ABCC8: variants seen among roughly 807,000 people sequenced by gnomAD.
The protein encoded by ABCC8 is ATP binding cassette subfamily C member 8.
Under a neutral mutation model 188.0 loss-of-function variants are expected in ABCC8, and 137 were observed. The observed-to-expected ratio is 0.73, with a 90% CI of 0.63 to 0.84. ABCC8 has a LOEUF of 0.84. ABCC8 is among the 40% of genes least tolerant of loss of function. The probability of loss-of-function intolerance (pLI) is 0.00; values close to 1 mark genes in which losing one functional copy is unlikely to be tolerated. For missense variants in ABCC8, 1,750 were observed against 2,072.7 expected, an observed-to-expected ratio of 0.84 and a Z score of 3.02; for synonymous variants, 797 against 846.5, an observed-to-expected ratio of 0.94 and a Z score of 1.01.
chr11:17,417,431 G>A (rs182080940), intron 16 of ABCC8, among the ~76,000 whole-genome samples: 3 of 152,096 alleles, frequency 2.0e-5, no homozygotes, highest in African/African-American at 7.2e-5. Flanking sequence ...TGTATTTTTC[G>A]TGATTTTTTC....
chr11:17,396,945 C>A lies in ABCC8; in HGVS notation c.4090G>T (p.Val1364Phe), dbSNP rs138642224. Residue 1364 changes from valine (V) to phenylalanine (F), a missense_variant, in exon 33 of 39, where the codon GTC becomes TTC. Coordinates refer to ENST00000389817, the MANE Select transcript of ABCC8 (RefSeq NM_000352.6). ...DSSLKPVLKH[V>F]NALIAPGQKI... ...TGTCCAGGGGCGATGAGGGCATTGACGTGCTTCAGCACCGGCTTCAGGGAG... is the reference window on the plus strand; with the variant it reads ...TGTCCAGGGGCGATGAGGGCATTGAAGTGCTTCAGCACCGGCTTCAGGGAG... 25 of 1,614,076 alleles carry A rather than the reference C, an allele frequency of 1.5e-5. No individual in the cohort carries two copies. The highest frequency in any genetic ancestry group is 1.9e-5 in the Non-Finnish European group (23 of 1,180,030).
At chr11:17,463,716 G>T (rs1847974913) in intron 3 of ABCC8, 112 bp from the exon 4 acceptor site, 4 of 1,419,322 alleles carry the variant, frequency 2.8e-6, no homozygotes, top group Admixed American at 2.0e-5. Flanking sequence ...GTGCCTGGGT[G>T]TGTACATTTC....
chr11:17,392,915 G>C lies in ABCC8; in HGVS notation c.*76C>G. ...AATAATCAAATCTATTTATTTACAA[G>C]TGATTTACAGTTAGAAAACCCAGGC... On this transcript the variant is annotated 3_prime_UTR_variant, in exon 39 of 39. Transcript: ENST00000389817. 2 of 1,495,068 alleles carry C rather than the reference G, an allele frequency of 1.3e-6. No individual in the cohort carries two copies. Among genetic ancestry groups the C allele is most frequent in the Non-Finnish European group, 1.9e-6 (2 of 1,076,002 alleles). The allele number at this position is 1,495,068 out of a possible 1,614,324, so 92.6% of individuals were successfully genotyped here. A position where few individuals can be genotyped will look rare whatever the true frequency, so the allele number is the denominator to read the frequency against.
Position 17,404,436 on chromosome 11 carries a change from A to G in ABCC8, c.3557+76T>C, listed in dbSNP as rs1010732133. ...GAGGGAACACGACCCTATTACTCTC[A>G]TAACGATGAGTCTAGCAAGTACACC... On this transcript the variant is annotated intron_variant, in intron 28 of 38. Transcript: ENST00000389817. This position sits in a 1 kb window ranked among gnomAD's most constrained non-coding sequence, Gnocchi z 4.7. 1.2e-5 allele frequency: 17 copies of G among 1,453,574 alleles called. No homozygotes were observed. In the African/African-American group the frequency reaches 2.2e-4, roughly 19 times the overall value. 90.0% of individuals were successfully genotyped at this position (1,453,574 alleles called of 1,614,324 possible).
chr11:17,434,335 C>T (rs905684971), intron 10 of ABCC8, among the ~76,000 whole-genome samples: 1 of 152,230 alleles, frequency 6.6e-6, no homozygotes, highest in East Asian at 1.9e-4. Flanking sequence ...CTACAACGCT[C>T]TTGGAAAGCA....
Position 17,470,465 on chromosome 11 carries a change from G to T in ABCC8, c.291-243C>A, listed in dbSNP as rs59060762. 0.045 allele frequency among the ~76,000 whole-genome samples: 6,907 copies of T among 152,194 alleles called. 183 individuals are homozygous for T. The highest frequency in any genetic ancestry group is 0.078 in the South Asian group (373 of 4,806). On this transcript the variant is annotated intron_variant, in intron 2 of 38. Transcript: ENST00000389817. ...GTGCTGAGCCCTAAGCACAAGGGTT[G>T]CTGGGGTCTCTTGAACAGTGCAGGG...
intron 6 of ABCC8, among the ~76,000 whole-genome samples, chr11:17,458,132 G>T (rs945472513): frequency 6.6e-6 from 1 of 152,170 alleles, no homozygotes; most frequent in East Asian, 1.9e-4. Context: ...CTTTGTTGCG[G>T]ACACTGGAGA....
In ABCC8 at chr11:17,397,252, G is replaced by C. The variant is rs778667623; in HGVS notation, c.3929C>G (p.Ala1310Gly). 8 of 1,613,590 alleles carry C rather than the reference G, an allele frequency of 5.0e-6. No individual in the cohort carries two copies. Among genetic ancestry groups the C allele is most frequent in the Non-Finnish European group, 6.8e-6 (8 of 1,180,010 alleles). The change falls in exon 32 of 39, where the codon GCT (alanine) becomes GGT (glycine). Residue 1310 changes from alanine to glycine, a missense_variant. Coordinates refer to ENST00000389817, the MANE Select transcript of ABCC8 (RefSeq NM_000352.6). Reference sequence around the variant, plus strand: ...CAGGAGCCCATGGATGCGCTTCACAGCCCCCAGCTGGAGCTCCATGTCTGC... The same window carrying C: ...CAGGAGCCCATGGATGCGCTTCACACCCCCCAGCTGGAGCTCCATGTCTGC... ...NLADMELQLG[A>G]VKRIHGLLKT...
At position 17,427,789 on chromosome 11, in the gene ABCC8, G is replaced by A. The variant is rs1263439121; in HGVS notation, c.2116+78C>T. ...AGCAGAGAGTAGGTGCTCAATAAATGCAGCTTTGTCTTTTTATCTCTATGT... is the reference window on the plus strand; with the variant it reads ...AGCAGAGAGTAGGTGCTCAATAAATACAGCTTTGTCTTTTTATCTCTATGT... On this transcript the variant is annotated intron_variant, in intron 15 of 38. Coordinates refer to ENST00000389817, the MANE Select transcript of ABCC8 (RefSeq NM_000352.6). This position sits in a 1 kb window ranked among gnomAD's most constrained non-coding sequence, Gnocchi z 5.0. 1 of 1,557,276 alleles carries A rather than the reference G, an allele frequency of 6.4e-7. No individual in the cohort carries two copies. The highest frequency in any genetic ancestry group is 8.8e-7 in the Non-Finnish European group (1 of 1,142,450).
In ABCC8 at chr11:17,430,828, G is replaced by A. The variant is rs1955813039; in HGVS notation, c.1803C>T (p.Val601=). 6.2e-7 allele frequency: 1 copy of A among 1,614,214 alleles called. No homozygotes were observed. Among genetic ancestry groups the A allele is most frequent in the Admixed American group, 1.7e-5 (1 of 60,032 alleles). ...FLLSSVVRST[V]KALVSVQKLS... Reference sequence around the variant, plus strand: ...CCTCCCCTCACCTCACTAGAGCTTTGACGGTAGATCGGACCACACTGGACA... The same window carrying A: ...CCTCCCCTCACCTCACTAGAGCTTTAACGGTAGATCGGACCACACTGGACA... The change falls in exon 12 of 39, where the codon GTC becomes GTT. Residue 601 remains valine, a synonymous_variant. Transcript: ENST00000389817.
intron 10 of ABCC8, among the ~76,000 whole-genome samples, chr11:17,434,187 C>A (rs888605193): frequency 3.3e-5 from 5 of 152,312 alleles, no homozygotes; most frequent in Admixed American, 2.6e-4. Context: ...CTCCTCCTGG[C>A]CCATCCCCAT....
chr11:17,394,168 G>A, intron 37 of ABCC8, 98 bp downstream of exon 37: 1 of 1,455,752 alleles, frequency 6.9e-7, no homozygotes, highest in Non-Finnish European at 9.6e-7. Context: ...GATGTTAGAG[G>A]CAACTTGAGC....
chr11:17,426,953 AGTG>A (rs1370918630), intron 16 of ABCC8, 93 bp downstream of exon 16: 1 of 1,400,370 alleles, frequency 7.1e-7, no homozygotes, highest in Non-Finnish European at 9.8e-7. Context: ...CTGAACACAG[AGTG>A]GGCCCTCCAA....
At chr11:17,405,360 C>T (rs889067602) in intron 27 of ABCC8, 134 bp downstream of exon 27, 15 of 1,393,816 alleles carry the variant, frequency 1.1e-5, no homozygotes, top group East Asian at 4.6e-5. Flanking sequence ...GCATTATAAT[C>T]GGATCGGGGA....
chr11:17,416,661 C>T (rs1955090592), intron 17 of ABCC8, among the ~76,000 whole-genome samples: 1 of 152,162 alleles, frequency 6.6e-6, no homozygotes, highest in Non-Finnish European at 1.5e-5. Flanking sequence ...TGACTCCATT[C>T]ACCATGAAAT....
chr11:17,406,685 C>T lies in ABCC8; in HGVS notation c.3266G>A (p.Gly1089Glu). The T allele has an allele frequency of 1.9e-6, 3 of 1,614,194 alleles. No homozygotes were observed. The highest frequency in any genetic ancestry group is 2.5e-6 in the Non-Finnish European group (3 of 1,180,044). Residue 1089 changes from glycine to glutamate, a missense_variant, in exon 26 of 39, where the codon GGG (glycine) becomes GAG (glutamate). Gly to Glu is a moderately conservative substitution (Grantham distance 98, BLOSUM62 -2). Coordinates refer to ENST00000389817, the MANE Select transcript of ABCC8 (RefSeq NM_000352.6). ...LVTSVTVEWT[G>E]LKVAKRLHRS... ...GTGCAGTCTCTTGGCCACCTTCAGC[C>T]CTGTCCACTCCACAGTGACAGACGT...
Position 17,461,811 on chromosome 11 carries a change from G to C in ABCC8, c.594C>G (p.Phe198Leu), listed in dbSNP as rs1957204366. 1.2e-6 allele frequency: 2 copies of C among 1,614,088 alleles called. No individual in the cohort carries two copies. The highest frequency in any genetic ancestry group is 1.7e-6 in the Non-Finnish European group (2 of 1,179,998). The change falls in exon 5 of 39, where the codon TTC becomes TTG. Residue 198 changes from phenylalanine to leucine, a missense_variant. Coordinates refer to ENST00000389817, the MANE Select transcript of ABCC8 (RefSeq NM_000352.6). ...NVIRVRRYIF[F>L]KTPREVKPPE... The stretch of plus-strand genomic sequence containing the variant: ...GAGGCTTCACCTCCCTCGGTGTCTT[G>C]AAGAAGATGTATCTCTGTGGGGCAC...
In ABCC8 at chr11:17,453,172, C is replaced by T. The variant is rs749771128; in HGVS notation, c.1123G>A (p.Ala375Thr). Reference protein sequence around the residue: ...ALLLQRTFLQASYYVAIETGI... With the variant: ...ALLLQRTFLQTSYYVAIETGI... ...GTTTCAATGGCCACATAGTAGGATG[C>T]TTGCAGAAATGTCCTTTGCAGTAGG... The change falls in exon 7 of 39, where the codon GCA (alanine) becomes ACA (threonine). Residue 375 changes from alanine to threonine, a missense_variant. Ala to Thr is a moderately conservative substitution (Grantham distance 58). Transcript: ENST00000389817. 2.3e-5 allele frequency: 37 copies of T among 1,614,022 alleles called. No homozygotes were observed. The highest frequency in any genetic ancestry group is 3.1e-5 in the Non-Finnish European group (36 of 1,180,036).
At chr11:17,476,587 G>C in intron 1 of ABCC8, 42 bp downstream of exon 1, 1 of 1,600,706 alleles carries the variant, frequency 6.2e-7, no homozygotes, top group East Asian at 2.3e-5. Context: ...CTCCCTCCCT[G>C]CTCTCCCGTC....
Sources: gnomAD v4.1 joint callset for allele counts (sites outside exome capture counted in the v4.1 genomes callset) on GRCh38, gnomAD v4.1.1 for gene constraint, Gnocchi (gnomAD v3.1) non-coding constraint, MANE v1.5 for transcripts, NCBI Gene and HGNC (gene_info 2026-07-23, HGNC 2026-07-21) for gene names.